JARID2: variants seen among roughly 807,000 people sequenced by gnomAD.
The protein encoded by JARID2 is protein Jumonji.
In JARID2, 21 loss-of-function variants were observed where a neutral mutation model predicts 125.6. The ratio of observed to expected loss-of-function variants is 0.17; its 90% confidence interval spans 0.12 to 0.24. The LOEUF is 0.24. Ranked by LOEUF, JARID2 falls within the 10% of genes least tolerant of loss-of-function variation. JARID2 has a pLI of 1.00. For synonymous variants in JARID2, 736 were observed against 661.6 expected (o/e 1.11, Z -1.73); for missense variants, 1,303 against 1,639.6 (o/e 0.79, Z 3.55).
In JARID2 at chr6:15,469,576, G is replaced by A. The variant is rs1238595671; in HGVS notation, c.670+858G>A. ...TCCTCCTGAGTAGCTGGGACTACAG[G>A]CCCCCACGTATTACAGACATGAGCC... is the stretch of plus-strand genomic sequence containing the variant. On this transcript the variant is annotated intron_variant, in intron 5 of 17. Transcript: ENST00000341776. Among the ~76,000 whole-genome samples, 3 of 150,258 alleles carry A rather than the reference G, an allele frequency of 2.0e-5. No homozygotes were observed. In the East Asian group the frequency reaches 6.0e-4, roughly 30 times the overall value.
intron 2 of JARID2, among the ~76,000 whole-genome samples, chr6:15,375,632 C>G (rs1351903159): frequency 1.3e-5 from 2 of 152,198 alleles, no homozygotes; most frequent in African/African-American, 2.4e-5. Context: ...ATACAGTAAA[C>G]TAAAAACCTT....
At chr6:15,392,578 G>A (rs1581496097) in intron 2 of JARID2, among the ~76,000 whole-genome samples, 1 of 151,884 alleles carries the variant, frequency 6.6e-6, no homozygotes, top group African/African-American at 2.4e-5. Context: ...TTAGAACTGT[G>A]TGTGATGTTG....
At chr6:15,295,969 T>C (rs915481491) in intron 1 of JARID2, among the ~76,000 whole-genome samples, 1 of 152,196 alleles carries the variant, frequency 6.6e-6, no homozygotes, top group African/African-American at 2.4e-5. Context: ...CAGGGTTTTA[T>C]ACTTAAAAAC....
At chr6:15,461,496 C>T (rs756093889) in intron 4 of JARID2, among the ~76,000 whole-genome samples, 7 of 152,140 alleles carry the variant, frequency 4.6e-5, no homozygotes, top group Non-Finnish European at 7.4e-5. Flanking sequence ...GAGGTCATTG[C>T]GTCATCCCTC....
At chr6:15,433,408 C>CTGTGTGTGTGTGTG (rs1414027038) in intron 3 of JARID2, among the ~76,000 whole-genome samples, 5 of 93,578 alleles carry the variant, frequency 5.3e-5, no homozygotes, top group South Asian at 4.1e-4. Flanking sequence ...CCCCATGTCT[C>CTGTGTGTGTGTGTG]TCTGTGTGTG....
chr6:15,480,474 G>A (rs947577150), intron 5 of JARID2, among the ~76,000 whole-genome samples: 1 of 152,120 alleles, frequency 6.6e-6, no homozygotes, highest in Non-Finnish European at 1.5e-5. Context: ...ATTCCCTCTT[G>A]TGTTTGGATG....
intron 3 of JARID2, among the ~76,000 whole-genome samples, chr6:15,415,543 C>G (rs1304815025): frequency 6.7e-6 from 1 of 148,564 alleles, no homozygotes; most frequent in Non-Finnish European, 1.5e-5. Context: ...CCTCACCTCC[C>G]GGGCAGAGGC....
intron 4 of JARID2, among the ~76,000 whole-genome samples, chr6:15,455,261 AT>A (rs58117035): frequency 4.0e-4 from 59 of 149,170 alleles, no homozygotes; most frequent in South Asian, 1.3e-3. Flanking sequence ...GTGGCTTAAA[AT>A]TTTTTTTTTT....
chr6:15,317,004 G>A (rs1436051589), intron 1 of JARID2, among the ~76,000 whole-genome samples: 10 of 152,188 alleles, frequency 6.6e-5, no homozygotes, highest in East Asian at 5.8e-4. Flanking sequence ...GTTTCAATGA[G>A]TGTACTTTTG....
chr6:15,475,463 C>G (rs1769293706), intron 5 of JARID2, among the ~76,000 whole-genome samples: 1 of 152,172 alleles, frequency 6.6e-6, no homozygotes. Context: ...GCCAGGGAGG[C>G]CCAGGTCCTC....
At chr6:15,408,958 T>G (rs1581518336) in intron 2 of JARID2, among the ~76,000 whole-genome samples, 1 of 152,334 alleles carries the variant, frequency 6.6e-6, no homozygotes, top group South Asian at 2.1e-4. Flanking sequence ...TAAAGCCTCA[T>G]TAGTCGAAGT....
At chr6:15,392,067 T>TGC (rs1765035408) in intron 2 of JARID2, among the ~76,000 whole-genome samples, 4 of 118,248 alleles carry the variant, frequency 3.4e-5, no homozygotes, top group Non-Finnish European at 7.6e-5. Context: ...TGTGTGTGTG[T>TGC]GTGTGTGTGT....
intron 1 of JARID2, chr6:15,248,476 C>CGCGCG (rs1297485640): frequency 7.2e-6 from 1 of 138,130 alleles, no homozygotes; most frequent in Non-Finnish European, 1.6e-5. Context: ...GGGGAGGGGG[C>CGCGCG]GCGCGGCGCA....
chr6:15,303,842 T>G (rs1761716217), intron 1 of JARID2, among the ~76,000 whole-genome samples: 1 of 152,200 alleles, frequency 6.6e-6, no homozygotes, highest in African/African-American at 2.4e-5. Flanking sequence ...GTGCCTTCTT[T>G]TTAGTTCACC....
chr6:15,309,198 A>G (rs532984829), intron 1 of JARID2, among the ~76,000 whole-genome samples: 38 of 152,240 alleles, frequency 2.5e-4, no homozygotes, highest in African/African-American at 8.4e-4. Flanking sequence ...TTCTCATCCA[A>G]CAGACTCATT....
intron 1 of JARID2, among the ~76,000 whole-genome samples, chr6:15,283,191 G>C (rs1561768140): frequency 2.0e-5 from 3 of 148,294 alleles, no homozygotes. Context: ...TGTTAGCCAG[G>C]ACGGTCTCGA....
In JARID2 at chr6:15,411,486, T is replaced by G. The variant is rs1396118404; in HGVS notation, c.323+1121T>G. Among the ~76,000 whole-genome samples the G allele has an allele frequency of 2.0e-5, 3 of 152,342 alleles. No individual in the cohort carries two copies. In the East Asian group the frequency reaches 5.8e-4, roughly 29 times the overall value. ...TTCTCTTCATCCTCAGCACTTTGTC[T>G]TAGAAGATGTCATAAGATTCGTTAT... On this transcript the variant is annotated intron_variant, in intron 3 of 17. Coordinates refer to ENST00000341776, the MANE Select transcript of JARID2 (RefSeq NM_004973.4).
At chr6:15,359,337 T>C (rs955197717) in intron 1 of JARID2, among the ~76,000 whole-genome samples, 1 of 152,224 alleles carries the variant, frequency 6.6e-6, no homozygotes, top group East Asian at 1.9e-4. Flanking sequence ...TCTGACGGTA[T>C]GTCCTGCCCC....
chr6:15,344,949 A>G (rs1387526979), intron 1 of JARID2, among the ~76,000 whole-genome samples: 1 of 152,164 alleles, frequency 6.6e-6, no homozygotes, highest in Non-Finnish European at 1.5e-5. Flanking sequence ...ATTTTTTGAC[A>G]AGCTCAATTG....
Sources: gnomAD v4.1 joint callset for allele counts (sites outside exome capture counted in the v4.1 genomes callset) on GRCh38, gnomAD v4.1.1 for gene constraint, MANE v1.5 for transcripts, NCBI Gene and HGNC (gene_info 2026-07-23, HGNC 2026-07-21) for gene names.